The following NRG3 variants were observed in gnomAD, a reference collection of about 807,000 sequenced individuals.
NRG3 encodes pro-neuregulin-3, membrane-bound isoform.
Under a neutral mutation model 66.9 loss-of-function variants are expected in NRG3, and 31 were observed. That is an observed-to-expected ratio of 0.46 (90% CI 0.35 to 0.63). The LOEUF (loss-of-function observed/expected upper bound fraction) is 0.63. Among genes scored for constraint, NRG3 ranks in the 20% least tolerant of loss-of-function variants. The pLI, the probability that NRG3 is intolerant of heterozygous loss-of-function variation, is 0.00. For synonymous variants in NRG3, 393 were observed against 359.4 expected (o/e 1.09, Z -1.06); for missense variants, 910 against 878.9 (o/e 1.04, Z -0.45).
At chr10:82,362,202 T>C (rs2084192180) in intron 2 of NRG3, among the ~76,000 whole-genome samples, 1 of 150,710 alleles carries the variant, frequency 6.6e-6, no homozygotes, top group South Asian at 2.1e-4. Context: ...CAAGAAACAC[T>C]TGTGGTACCA....
At chr10:81,924,049 T>C (rs372562308) in intron 1 of NRG3, among the ~76,000 whole-genome samples, 1 of 152,164 alleles carries the variant, frequency 6.6e-6, no homozygotes, top group East Asian at 1.9e-4. Context: ...AGGCAGGTGA[T>C]TGGGAGCCCA....
intron 1 of NRG3, among the ~76,000 whole-genome samples, chr10:81,883,137 G>A (rs954783934): frequency 1.3e-5 from 2 of 152,120 alleles, no homozygotes; most frequent in South Asian, 4.1e-4. Flanking sequence ...AGGCATGTCT[G>A]CACTGCATTC....
At chr10:82,107,795 A>G (rs889643565) in intron 1 of NRG3, among the ~76,000 whole-genome samples, 2 of 152,200 alleles carry the variant, frequency 1.3e-5, no homozygotes, top group Non-Finnish European at 2.9e-5. Flanking sequence ...TAGAGGAGGG[A>G]GTCAAAAAAA....
chr10:82,403,106 A>T (rs2087233565), intron 2 of NRG3, among the ~76,000 whole-genome samples: 1 of 152,168 alleles, frequency 6.6e-6, no homozygotes, highest in South Asian at 2.1e-4. Flanking sequence ...TGTCTGAAAC[A>T]CGTGAAGACA....
intron 4 of NRG3, among the ~76,000 whole-genome samples, chr10:82,893,673 C>T (rs1356253201): frequency 2.6e-5 from 4 of 151,412 alleles, no homozygotes; most frequent in South Asian, 2.1e-4. Flanking sequence ...GGCAACAGAG[C>T]GAGACTTTGT....
chr10:82,219,463 A>G (rs1473205765), intron 1 of NRG3, among the ~76,000 whole-genome samples: 3 of 151,960 alleles, frequency 2.0e-5, no homozygotes, highest in South Asian at 2.1e-4. Flanking sequence ...AGCTACATCT[A>G]CATAAATGTC....
intron 1 of NRG3, among the ~76,000 whole-genome samples, chr10:82,355,481 A>G (rs1049509992): frequency 1.3e-5 from 2 of 152,170 alleles, no homozygotes; most frequent in South Asian, 2.1e-4. Flanking sequence ...CTTTAATCAG[A>G]TGTACAAATG....
intron 2 of NRG3, among the ~76,000 whole-genome samples, chr10:82,385,605 A>G (rs1486133982): frequency 6.6e-6 from 1 of 152,174 alleles, no homozygotes; most frequent in Non-Finnish European, 1.5e-5. Context: ...GAGAGACTCT[A>G]TACAAGGAAT....
At chr10:82,682,877 G>A (rs2054209099) in intron 2 of NRG3, among the ~76,000 whole-genome samples, 1 of 151,114 alleles carries the variant, frequency 6.6e-6, no homozygotes, top group Admixed American at 6.6e-5. Context: ...ATGCTGTGGG[G>A]AAAATTTGAC....
chr10:82,841,544 G>A (rs2063057546), intron 3 of NRG3, among the ~76,000 whole-genome samples: 2 of 152,124 alleles, frequency 1.3e-5, no homozygotes, highest in South Asian at 4.2e-4. Context: ...TGTAGGGCAG[G>A]CCAGCTGACT....
chr10:82,927,855 A>G (rs1428706090), intron 4 of NRG3, among the ~76,000 whole-genome samples: 1 of 152,170 alleles, frequency 6.6e-6, no homozygotes, highest in Non-Finnish European at 1.5e-5. Flanking sequence ...TTGGCTATAT[A>G]CCCAGTACTG....
intron 1 of NRG3, among the ~76,000 whole-genome samples, chr10:82,068,078 G>T (rs917477823): frequency 6.6e-6 from 1 of 152,184 alleles, no homozygotes; most frequent in Non-Finnish European, 1.5e-5. Context: ...AAGAATGGTT[G>T]AGTGTGTGAG....
intron 4 of NRG3, among the ~76,000 whole-genome samples, chr10:82,930,638 G>A (rs1232262743): frequency 6.6e-6 from 1 of 152,184 alleles, no homozygotes; most frequent in Non-Finnish European, 1.5e-5. Flanking sequence ...GTGCATTTAT[G>A]TTATATAGTT....
chr10:82,067,085 TCA>T (rs1220270519), intron 1 of NRG3, among the ~76,000 whole-genome samples: 20 of 152,330 alleles, frequency 1.3e-4, no homozygotes, highest in Middle Eastern at 3.4e-3. Flanking sequence ...TGAATTTTTC[TCA>T]GTTTGATTTT....
chr10:82,282,137 C>G (rs2079155333), intron 1 of NRG3, among the ~76,000 whole-genome samples: 1 of 152,032 alleles, frequency 6.6e-6, no homozygotes, highest in African/African-American at 2.4e-5. Context: ...CTTGCCCAGT[C>G]TAATGAAACT....
chr10:82,655,812 A>C (rs377169991), intron 2 of NRG3, among the ~76,000 whole-genome samples: 43 of 152,200 alleles, frequency 2.8e-4, no homozygotes, highest in African/African-American at 9.4e-4. Flanking sequence ...ATATAAATCT[A>C]TATATACTGC....
intron 1 of NRG3, among the ~76,000 whole-genome samples, chr10:82,132,905 A>G (rs949531654): frequency 1.3e-5 from 2 of 151,908 alleles, no homozygotes; most frequent in Admixed American, 6.6e-5. Context: ...AATTTCTTCA[A>G]TATAAATTAT....
Position 82,262,906 on chromosome 10 carries a change from A to T in NRG3, c.824-95833A>T, listed in dbSNP as rs78580163. On this transcript the variant is annotated intron_variant, in intron 1 of 8. Transcript: ENST00000372141. ...TAGGACTGTGCTGATTAAGAATCTT[A>T]GCACTAACCTAATTTTTATCTGGAA... is the stretch of plus-strand genomic sequence containing the variant. 3.3e-5 allele frequency among the ~76,000 whole-genome samples: 5 copies of T among 152,330 alleles called. No homozygotes were observed. In the East Asian group the frequency reaches 9.7e-4, roughly 29 times the overall value.
intron 3 of NRG3, among the ~76,000 whole-genome samples, chr10:82,746,711 A>T (rs547502083): frequency 6.6e-6 from 1 of 152,302 alleles, no homozygotes; most frequent in African/African-American, 2.4e-5. Context: ...ATTATTCATT[A>T]TATTGACATC....
Sources: gnomAD v4.1 joint callset for allele counts (sites outside exome capture counted in the v4.1 genomes callset) on GRCh38, gnomAD v4.1.1 for gene constraint, MANE v1.5 for transcripts, NCBI Gene and HGNC (gene_info 2026-07-23, HGNC 2026-07-21) for gene names.